The following SPPL3 variants were observed in gnomAD, a reference collection of about 807,000 sequenced individuals.
SPPL3 encodes the protein signal peptide peptidase-like 3.
SPPL3 carries 5 observed loss-of-function variants against 42.4 expected under a neutral mutation model. That is an observed-to-expected ratio of 0.12 (90% CI 0.06 to 0.25). The LOEUF is 0.25. SPPL3 is among the 10% of genes least tolerant of loss of function. SPPL3 has a pLI of 1.00. For synonymous variants in SPPL3, 195 were observed against 181.8 expected (o/e 1.07, Z -0.58); for missense variants, 235 against 489.0 (o/e 0.48, Z 4.90).
At chr12:120,823,282 A>G (rs1294939319) in intron 1 of SPPL3, among the ~76,000 whole-genome samples, 1 of 151,998 alleles carries the variant, frequency 6.6e-6, no homozygotes, top group Admixed American at 6.5e-5. Context: ...GCCAGTTCAC[A>G]TAGGGCTACC....
At chr12:120,837,722 G>C (rs1349030432) in intron 1 of SPPL3, among the ~76,000 whole-genome samples, 1 of 152,160 alleles carries the variant, frequency 6.6e-6, no homozygotes, top group East Asian at 1.9e-4. Flanking sequence ...ATATGGCAGA[G>C]ACTGCAAATT....
chr12:120,819,590 A>G (rs1315110213), intron 1 of SPPL3, among the ~76,000 whole-genome samples: 1 of 152,204 alleles, frequency 6.6e-6, no homozygotes, highest in African/African-American at 2.4e-5. Context: ...TTCAAGTAAA[A>G]ATGGTATTCC....
intron 2 of SPPL3, among the ~76,000 whole-genome samples, chr12:120,802,431 A>ATGTT (rs1312190815): frequency 1.9e-5 from 2 of 105,162 alleles, no homozygotes; most frequent in Admixed American, 1.0e-4. Context: ...ATATATATAT[A>ATGTT]TTTTTTTTTT....
chr12:120,813,844 T>C (rs1870773680), intron 1 of SPPL3, among the ~76,000 whole-genome samples: 1 of 152,132 alleles, frequency 6.6e-6, no homozygotes, highest in Non-Finnish European at 1.5e-5. Flanking sequence ...TACTAGAGAC[T>C]TTCTACTTTA....
chr12:120,864,023 C>T (rs1434518532), intron 1 of SPPL3, among the ~76,000 whole-genome samples: 1 of 151,994 alleles, frequency 6.6e-6, no homozygotes, highest in Non-Finnish European at 1.5e-5. Context: ...AAATCTAAAA[C>T]CCTATCAATG....
intron 6 of SPPL3, among the ~76,000 whole-genome samples, chr12:120,778,657 T>C (rs916522172): frequency 6.6e-6 from 1 of 152,252 alleles, no homozygotes; most frequent in African/African-American, 2.4e-5. Context: ...GTATAACTTA[T>C]ATTTGTATGC....
chr12:120,806,149 A>G (rs564265500), intron 2 of SPPL3, among the ~76,000 whole-genome samples: 2 of 152,194 alleles, frequency 1.3e-5, no homozygotes, highest in African/African-American at 4.8e-5. Flanking sequence ...CTGGCATAAG[A>G]AGAGACATAC....
chr12:120,850,551 G>A (rs755519006), intron 1 of SPPL3, among the ~76,000 whole-genome samples: 30 of 148,858 alleles, frequency 2.0e-4, no homozygotes, highest in Non-Finnish European at 3.3e-4. Context: ...TTCATACTGT[G>A]AAAAAGAATG....
At chr12:120,796,588 C>T (rs1870106237) in intron 2 of SPPL3, among the ~76,000 whole-genome samples, 1 of 151,984 alleles carries the variant, frequency 6.6e-6, no homozygotes, top group Non-Finnish European at 1.5e-5. Context: ...GTGAATTTTA[C>T]CTTATCTAAA....
chr12:120,862,765 G>A (rs747500243), intron 1 of SPPL3, among the ~76,000 whole-genome samples: 8 of 152,056 alleles, frequency 5.3e-5, no homozygotes, highest in Non-Finnish European at 1.2e-4. Flanking sequence ...TTAAATCACT[G>A]GCCTTTCCTG....
intron 6 of SPPL3, among the ~76,000 whole-genome samples, chr12:120,781,720 C>T (rs1869554208): frequency 6.6e-6 from 1 of 151,646 alleles, no homozygotes; most frequent in South Asian, 2.1e-4. Context: ...GCTGGGACTA[C>T]AGGTGCCTAC....
At chr12:120,898,303 T>TG (rs1786348555) in intron 1 of SPPL3, among the ~76,000 whole-genome samples, 3 of 105,184 alleles carry the variant, frequency 2.9e-5, no homozygotes, top group Admixed American at 2.4e-4. Context: ...TCTGTTTTTT[T>TG]TTTTTTTTTT....
intron 1 of SPPL3, among the ~76,000 whole-genome samples, chr12:120,815,081 G>C (rs896939194): frequency 2.4e-4 from 37 of 152,076 alleles, no homozygotes; most frequent in Admixed American, 9.8e-4. Flanking sequence ...TGTAATAATG[G>C]GCCTTGTAAA....
chr12:120,893,389 T>C (rs1873706588), intron 1 of SPPL3, among the ~76,000 whole-genome samples: 1 of 152,060 alleles, frequency 6.6e-6, no homozygotes, highest in Admixed American at 6.6e-5. Context: ...TATATTTTTT[T>C]CCGAGATCAA....
intron 1 of SPPL3, among the ~76,000 whole-genome samples, chr12:120,880,327 GAA>G (rs1174589728): frequency 6.6e-6 from 1 of 151,888 alleles, no homozygotes; most frequent in African/African-American, 2.4e-5. Context: ...ACCCTTAGAA[GAA>G]AAAAGAGAAG....
At chr12:120,887,880 G>C (rs1392390785) in intron 1 of SPPL3, among the ~76,000 whole-genome samples, 2 of 152,186 alleles carry the variant, frequency 1.3e-5, no homozygotes, top group African/African-American at 4.8e-5. Context: ...TGAAGACGTG[G>C]AGAAATTAGA....
intron 10 of SPPL3, 44 bp from the exon 11 acceptor site, chr12:120,765,114 G>T: frequency 6.3e-7 from 1 of 1,587,416 alleles, no homozygotes. Context: ...TAAACATGAG[G>T]CACACACAGC....
rs1364616850 is a variant in SPPL3 at position 120,783,845 on chromosome 12, G to C, written c.311-93C>G. The C allele has an allele frequency of 6.7e-6, 7 of 1,044,128 alleles. No homozygotes were observed. In the East Asian group the frequency reaches 7.8e-5, roughly 12 times the overall value. 64.7% of individuals were successfully genotyped at this position (1,044,128 alleles called of 1,614,324 possible). On this transcript the variant is annotated intron_variant, in intron 4 of 10. Transcript: ENST00000353487. The stretch of plus-strand genomic sequence containing the variant: ...CATTCCGCCAAACACTAGACAAGTG[G>C]ATACGGTTAATTGACTAGAGAAGAA...
chr12:120,787,724 C>T (rs1438522719), intron 3 of SPPL3, among the ~76,000 whole-genome samples: 1 of 152,020 alleles, frequency 6.6e-6, no homozygotes, highest in Non-Finnish European at 1.5e-5. Context: ...CGTTTTCCAC[C>T]CAAGCACGCA....
Sources: allele counts gnomAD v4.1 joint callset (sites outside exome capture counted in the v4.1 genomes callset), GRCh38; gene constraint gnomAD v4.1.1; transcripts MANE v1.5; gene names NCBI Gene and HGNC (gene_info 2026-07-23, HGNC 2026-07-21).